The following ALOX5AP variants were observed in gnomAD, a reference collection of about 807,000 sequenced individuals.
ALOX5AP encodes the protein arachidonate 5-lipoxygenase-activating protein.
A neutral mutation model predicts 18.5 loss-of-function variants in ALOX5AP; 9 were observed. The ratio of observed to expected loss-of-function variants is 0.49; its 90% confidence interval spans 0.29 to 0.85. ALOX5AP has a LOEUF of 0.85. Ranked by LOEUF, ALOX5AP falls within the 40% of genes least tolerant of loss-of-function variation. ALOX5AP has a pLI of 0.08. For synonymous variants in ALOX5AP, 81 were observed against 78.6 expected (o/e 1.03, Z -0.16); for missense variants, 172 against 202.5 (o/e 0.85, Z 0.91).
upstream of ALOX5AP, among the ~76,000 whole-genome samples, chr13:30,732,780 AGAGC>A (rs1255621107): frequency 6.6e-6 from 1 of 152,144 alleles, no homozygotes; most frequent in Admixed American, 6.5e-5. Context: ...AAGCTGAGAG[AGAGC>A]GAGAGGAGAG....
At chr13:30,755,707 C>T (rs997856778) in intron 3 of ALOX5AP, among the ~76,000 whole-genome samples, 2 of 152,216 alleles carry the variant, frequency 1.3e-5, no homozygotes, top group African/African-American at 4.8e-5. Context: ...TCCTGGGCCA[C>T]GTGCGACCCG....
upstream of ALOX5AP, among the ~76,000 whole-genome samples, chr13:30,730,618 T>TTA: frequency 6.6e-6 from 1 of 151,998 alleles, no homozygotes; most frequent in Non-Finnish European, 1.5e-5. Context: ...CAACCCTGAA[T>TTA]GGGGAGTGGA....
chr13:30,760,295 G>C (rs1382063530), intron 4 of ALOX5AP, among the ~76,000 whole-genome samples: 1 of 152,002 alleles, frequency 6.6e-6, no homozygotes, highest in Non-Finnish European at 1.5e-5. Flanking sequence ...GGGCCACAGA[G>C]AGCTGAGCTG....
At chr13:30,721,405 A>T (rs1229838094) in intron 1 of ALOX5AP, among the ~76,000 whole-genome samples, 1 of 152,214 alleles carries the variant, frequency 6.6e-6, no homozygotes, top group Non-Finnish European at 1.5e-5. Context: ...CTTCTCAGGC[A>T]GTGGCCCCGA....
At chr13:30,762,580 T>G (rs1951950597) in intron 4 of ALOX5AP, among the ~76,000 whole-genome samples, 1 of 147,282 alleles carries the variant, frequency 6.8e-6, no homozygotes, top group Non-Finnish European at 1.5e-5. Context: ...AGAGCTTGAC[T>G]CAGTCTCAAA....
Position 30,752,408 on chromosome 13 carries a change from T to C in ALOX5AP, c.241+286T>C, listed in dbSNP as rs17239186. The stretch of plus-strand genomic sequence containing the variant: ...AATGTGACTCAGAATCCTTAAGCAG[T>C]GTTAGTTCAGATACAAGGGCATTAT... On this transcript the variant is annotated intron_variant, in intron 3 of 4. Transcript: ENST00000380490. Among the ~76,000 whole-genome samples the C allele has an allele frequency of 1.0e-3, 152 of 152,252 alleles. 2 individuals carry two copies. Among genetic ancestry groups the C allele is most frequent in the African/African-American group, 3.5e-3 (147 of 41,548 alleles).
At chr13:30,743,742 T>G (rs1437269655) in intron 1 of ALOX5AP, among the ~76,000 whole-genome samples, 2 of 152,102 alleles carry the variant, frequency 1.3e-5, no homozygotes, top group African/African-American at 4.8e-5. Flanking sequence ...GAAAGCACCA[T>G]GTACTCAATC....
chr13:30,717,851 G>A (rs1307933442), intron 1 of ALOX5AP, among the ~76,000 whole-genome samples: 1 of 152,186 alleles, frequency 6.6e-6, no homozygotes, highest in Non-Finnish European at 1.5e-5. Flanking sequence ...TCTCTGGGGA[G>A]GGTTTTAAGA....
chr13:30,744,482 C>A, intron 2 of ALOX5AP: 2 of 221,726 alleles, frequency 9.0e-6, no homozygotes, highest in Non-Finnish European at 1.9e-5. Flanking sequence ...ACCAGGGTTG[C>A]TACTGTGAAC....
At chr13:30,716,607 C>A (rs9551956) in intron 1 of ALOX5AP, among the ~76,000 whole-genome samples, 6,883 of 152,256 alleles carry the variant, frequency 0.045, 342 homozygotes, top group Admixed American at 0.15. Flanking sequence ...AATATCAGCC[C>A]CCCTGCAATG....
chr13:30,746,800 T>C (rs2137816342), intron 2 of ALOX5AP, among the ~76,000 whole-genome samples: 1 of 152,384 alleles, frequency 6.6e-6, no homozygotes, highest in East Asian at 1.9e-4. Flanking sequence ...AGTATGTGTA[T>C]ATAGTTTATA....
intron 1 of ALOX5AP, among the ~76,000 whole-genome samples, chr13:30,714,999 G>A (rs911299485): frequency 6.6e-6 from 1 of 152,156 alleles, no homozygotes; most frequent in Non-Finnish European, 1.5e-5. Context: ...TTTCCTGATA[G>A]GTCCTGAGGC....
chr13:30,743,285 C>T (rs1048074067), intron 1 of ALOX5AP, among the ~76,000 whole-genome samples: 1 of 152,008 alleles, frequency 6.6e-6, no homozygotes, highest in East Asian at 1.9e-4. Context: ...CTCAGCACAC[C>T]ATATCATTTT....
chr13:30,713,715 C>T, exon 1 of ALOX5AP: 2 of 1,515,212 alleles, frequency 1.3e-6, no homozygotes, highest in African/African-American at 2.8e-5. Context: ...CAGAAGTCAA[C>T]AGAAACAAAA....
intron 1 of ALOX5AP, among the ~76,000 whole-genome samples, chr13:30,739,401 C>T (rs1191942664): frequency 1.3e-5 from 2 of 152,132 alleles, no homozygotes; most frequent in Admixed American, 6.5e-5. Flanking sequence ...AAAGACAGGT[C>T]TTTATAAGTG....
chr13:30,741,831 G>GTTTTT (rs770976174), intron 1 of ALOX5AP, among the ~76,000 whole-genome samples: 19,532 of 133,462 alleles, frequency 0.15, 1,434 homozygotes, highest in South Asian at 0.24. Flanking sequence ...ATGGTTTTCT[G>GTTTTT]TTTTTTTTTT....
chr13:30,718,021 A>T (rs4483703), intron 1 of ALOX5AP, among the ~76,000 whole-genome samples: 1 of 150,590 alleles, frequency 6.6e-6, no homozygotes, highest in Non-Finnish European at 1.5e-5. Flanking sequence ...GTGCAATGGC[A>T]CAATCTCAGC....
At chr13:30,723,751 C>T (rs370970496) in intron 1 of ALOX5AP, among the ~76,000 whole-genome samples, 101 of 152,220 alleles carry the variant, frequency 6.6e-4, no homozygotes, top group African/African-American at 2.2e-3. Flanking sequence ...GCTAACTAAA[C>T]ATCAAACATT....
intron 1 of ALOX5AP, 59 bp from the exon 2 acceptor site, chr13:30,744,001 A>C (rs1383625469): frequency 4.9e-6 from 7 of 1,416,602 alleles, no homozygotes; most frequent in Non-Finnish European, 7.0e-6. Flanking sequence ...AAAACAAGGA[A>C]GTAACAGGCT....
Sources: gnomAD v4.1 joint callset for allele counts (sites outside exome capture counted in the v4.1 genomes callset) on GRCh38, gnomAD v4.1.1 for gene constraint, MANE v1.5 for transcripts, NCBI Gene and HGNC (gene_info 2026-07-23, HGNC 2026-07-21) for gene names.